KIAA0825: variants seen among roughly 807,000 people sequenced by gnomAD.
The protein encoded by KIAA0825 is uncharacterized protein KIAA0825.
A neutral mutation model predicts 147.6 loss-of-function variants in KIAA0825; 119 were observed. The observed-to-expected ratio is 0.81, with a 90% confidence interval of 0.69 to 0.94. The LOEUF is 0.94. Among genes scored for constraint, KIAA0825 ranks in the 40% least tolerant of loss-of-function variants. KIAA0825 has a pLI of 0.00. For missense variants in KIAA0825, 1,381 were observed against 1,472.7 expected (o/e 0.94, Z 1.02); for synonymous variants, 470 against 518.1 (o/e 0.91, Z 1.26).
intron 20 of KIAA0825, among the ~76,000 whole-genome samples, chr5:94,187,405 T>TC (rs1770228464): frequency 1.4e-5 from 2 of 148,100 alleles, no homozygotes; most frequent in South Asian, 4.3e-4. Flanking sequence ...GAAAGGAGTT[T>TC]TTTTTTTTTT....
intron 6 of KIAA0825, among the ~76,000 whole-genome samples, chr5:94,479,307 T>G (rs185745069): frequency 3.7e-3 from 556 of 152,236 alleles, no homozygotes; most frequent in African/African-American, 0.013. Context: ...GTCTTTATAG[T>G]TTTGCCTTTT....
intron 20 of KIAA0825, among the ~76,000 whole-genome samples, chr5:94,227,711 C>T (rs1774333299): frequency 6.6e-6 from 1 of 151,786 alleles, no homozygotes; most frequent in African/African-American, 2.4e-5. Flanking sequence ...TCTCTGCAAA[C>T]TGTCACAAGG....
chr5:94,211,946 T>C (rs1772749371), intron 20 of KIAA0825, among the ~76,000 whole-genome samples: 1 of 152,182 alleles, frequency 6.6e-6, no homozygotes, highest in Admixed American at 6.6e-5. Flanking sequence ...GAATAAACAC[T>C]GGCAAGTTAA....
chr5:94,601,287 C>CA (rs1368651791), intron 1 of KIAA0825, among the ~76,000 whole-genome samples: 1 of 152,130 alleles, frequency 6.6e-6, no homozygotes. Flanking sequence ...AGATCTGAGG[C>CA]AACTAGGGAC....
intron 15 of KIAA0825, among the ~76,000 whole-genome samples, chr5:94,412,700 G>A (rs1752926234): frequency 6.6e-6 from 1 of 151,898 alleles, no homozygotes; most frequent in Admixed American, 6.6e-5. Context: ...CGCCCGGCCA[G>A]TAGTTTCTTA....
chr5:94,609,269 GCT>G (rs1335252142), intron 1 of KIAA0825, among the ~76,000 whole-genome samples: 19 of 152,240 alleles, frequency 1.2e-4, no homozygotes, highest in Admixed American at 5.9e-4. Flanking sequence ...CTGAAATTCA[GCT>G]CTCTTTTATT....
At chr5:94,528,692 T>C (rs902003949) in intron 3 of KIAA0825, among the ~76,000 whole-genome samples, 10 of 152,056 alleles carry the variant, frequency 6.6e-5, no homozygotes, top group Non-Finnish European at 1.2e-4. Flanking sequence ...CACAGGGCTA[T>C]GTTAATAATA....
intron 5 of KIAA0825, among the ~76,000 whole-genome samples, chr5:94,492,992 A>T (rs184565241): frequency 6.6e-6 from 1 of 152,164 alleles, no homozygotes; most frequent in East Asian, 1.9e-4. Context: ...TGTGATCATC[A>T]TCTTTTAGAA....
rs895833869 is a variant in KIAA0825, at chr5:94,500,851, C to G, written c.971-15921G>C. 4.6e-5 allele frequency among the ~76,000 whole-genome samples: 7 copies of G among 152,282 alleles called. No individual in the cohort carries two copies. The South Asian group carries it at 1.5e-3, about 32-fold the overall frequency. On this transcript the variant is annotated intron_variant, in intron 5 of 20. Coordinates refer to ENST00000682413, the MANE Select transcript of KIAA0825 (RefSeq NM_001145678.3). ...GTAGTGCAATGGCTCGATCTCAGCTCACTGCAACCTCCGCCTCCCGGGTTC... is the reference window on the plus strand; with the variant it reads ...GTAGTGCAATGGCTCGATCTCAGCTGACTGCAACCTCCGCCTCCCGGGTTC...
chr5:94,205,586 C>T lies in KIAA0825; in HGVS notation c.3711-51462G>A, dbSNP rs930211384. Among the ~76,000 whole-genome samples, 9 of 152,022 alleles carry T rather than the reference C, an allele frequency of 5.9e-5. No homozygotes were observed. The East Asian group carries it at 7.7e-4, about 13-fold the overall frequency. ...GATTACAGGCGTGAGCCACCATGCC[C>T]GGCCCAATCTTAGATAATTTTATAT... On this transcript the variant is annotated intron_variant, in intron 20 of 20. Transcript: ENST00000682413.
At chr5:94,249,328 T>C (rs1775816961) in intron 20 of KIAA0825, among the ~76,000 whole-genome samples, 1 of 152,104 alleles carries the variant, frequency 6.6e-6, no homozygotes, top group Admixed American at 6.6e-5. Context: ...CAGCCCTATA[T>C]ACCCAGAAAT....
intron 20 of KIAA0825, among the ~76,000 whole-genome samples, chr5:94,303,746 G>T (rs1778548025): frequency 6.6e-6 from 1 of 151,958 alleles, no homozygotes. Flanking sequence ...GTGGATCCTA[G>T]GAGAACAGGG....
intron 16 of KIAA0825, 116 bp downstream of exon 16, chr5:94,403,453 G>A: frequency 1.4e-6 from 1 of 719,316 alleles, no homozygotes; most frequent in South Asian, 1.9e-5. Context: ...CTACTTAATG[G>A]AAGGAAGATT....
chr5:94,381,042 A>G (rs1748336852), intron 20 of KIAA0825, among the ~76,000 whole-genome samples: 1 of 152,102 alleles, frequency 6.6e-6, no homozygotes, highest in South Asian at 2.1e-4. Flanking sequence ...GGTCTTTATT[A>G]CCTGAGTGGT....
intron 18 of KIAA0825, 50 bp from the exon 19 acceptor site, chr5:94,386,454 CT>C (rs1344848741): frequency 6.8e-7 from 1 of 1,460,590 alleles, no homozygotes; most frequent in Non-Finnish European, 9.3e-7. Context: ...CAGACATTCT[CT>C]GTAAAAATAA....
At chr5:94,292,053 G>A (rs552936114) in intron 20 of KIAA0825, among the ~76,000 whole-genome samples, 4 of 151,242 alleles carry the variant, frequency 2.6e-5, no homozygotes, top group African/African-American at 4.8e-5. Context: ...CATGTCATCC[G>A]CAGAGACAAT....
At chr5:94,291,229 G>A (rs1365207802) in intron 20 of KIAA0825, among the ~76,000 whole-genome samples, 1 of 151,806 alleles carries the variant, frequency 6.6e-6, no homozygotes, top group East Asian at 1.9e-4. Flanking sequence ...TTTCTTCTAG[G>A]GTTTTTATGG....
rs939571638 is a variant in KIAA0825 at position 94,356,726 on chromosome 5, T to A, written c.3710+27642A>T. Reference sequence around the variant, plus strand: ...CAAACTTAAGGTTTAACTTGATTTCTTTTTTTTTTTTTTTTTGAGACGGAG... The same window carrying A: ...CAAACTTAAGGTTTAACTTGATTTCATTTTTTTTTTTTTTTTGAGACGGAG... On this transcript the variant is annotated intron_variant, in intron 20 of 20. Transcript: ENST00000682413. Among the ~76,000 whole-genome samples, 24 of 97,096 alleles carry A rather than the reference T, an allele frequency of 2.5e-4. 1 individual carries two copies. Among genetic ancestry groups the A allele is most frequent in the African/African-American group, 9.0e-4 (24 of 26,556 alleles). 63.7% of individuals were successfully genotyped at this position (97,096 alleles called of 152,430 possible).
intron 13 of KIAA0825, among the ~76,000 whole-genome samples, chr5:94,447,838 G>A (rs1039014346): frequency 6.6e-6 from 1 of 151,970 alleles, no homozygotes; most frequent in African/African-American, 2.4e-5. Flanking sequence ...AATATATACA[G>A]CTCAAAATGG....
Sources: allele counts gnomAD v4.1 joint callset (sites outside exome capture counted in the v4.1 genomes callset), GRCh38; gene constraint gnomAD v4.1.1; transcripts MANE v1.5; gene names NCBI Gene and HGNC (gene_info 2026-07-23, HGNC 2026-07-21).